SMAD6: variants seen among roughly 807,000 people sequenced by gnomAD.
The protein encoded by SMAD6 is SMAD family member 6.
A neutral mutation model predicts 39.4 loss-of-function variants in SMAD6; 103 were observed. The ratio of observed to expected loss-of-function variants is 2.62; its 90% CI spans 2.23 to 3.08. The LOEUF (loss-of-function observed/expected upper bound fraction) is 3.08, where lower values mean the gene tolerates loss of function less well. Among genes scored for constraint, SMAD6 ranks in the 30% most tolerant of loss-of-function variants. SMAD6 has a pLI of 0.00. For missense variants in SMAD6, 1,104 were observed against 742.9 expected (o/e 1.49, Z -5.65); for synonymous variants, 445 against 353.3 (o/e 1.26, Z -2.91).
chr15:66,741,371 G>A (rs1893812592), intron 3 of SMAD6, among the ~76,000 whole-genome samples: 1 of 152,176 alleles, frequency 6.6e-6, no homozygotes, highest in African/African-American at 2.4e-5. Context: ...ATTGCCGAGG[G>A]GCTTCGCCTC....
chr15:66,719,592 A>G (rs1159312645), intron 3 of SMAD6, among the ~76,000 whole-genome samples: 1 of 152,172 alleles, frequency 6.6e-6, no homozygotes, highest in Non-Finnish European at 1.5e-5. Context: ...GTCTCGCACA[A>G]TGACAATCCC....
At chr15:66,745,948 A>G (rs758850965) in intron 3 of SMAD6, among the ~76,000 whole-genome samples, 25 of 152,088 alleles carry the variant, frequency 1.6e-4, no homozygotes, top group Admixed American at 2.6e-4. Flanking sequence ...CCCACTTCCC[A>G]CAGCCAGTTC....
chr15:66,735,112 G>A (rs1241422604), intron 3 of SMAD6, among the ~76,000 whole-genome samples: 2 of 152,356 alleles, frequency 1.3e-5, no homozygotes, highest in East Asian at 1.9e-4. Flanking sequence ...CCCTGGCAGC[G>A]TCATGATGAG....
intron 3 of SMAD6, among the ~76,000 whole-genome samples, chr15:66,722,848 C>G (rs971343255): frequency 6.6e-6 from 1 of 152,142 alleles, no homozygotes; most frequent in African/African-American, 2.4e-5. Context: ...CCCAGCCAAC[C>G]TGTGTCTGCC....
At chr15:66,708,796 GGGATGGT>G in intron 1 of SMAD6, 1 of 461,778 alleles carries the variant, frequency 2.2e-6, no homozygotes, top group Non-Finnish European at 4.6e-6. Flanking sequence ...ACTGCCAATG[GGGATGGT>G]GTTTCTTTTT....
chr15:66,743,892 C>T (rs2140639569), intron 3 of SMAD6, among the ~76,000 whole-genome samples: 1 of 152,142 alleles, frequency 6.6e-6, no homozygotes, highest in Admixed American at 6.5e-5. Context: ...CTTAGTATTC[C>T]ATGCCATATT....
intron 1 of SMAD6, among the ~76,000 whole-genome samples, chr15:66,709,038 A>G (rs1453810982): frequency 6.6e-6 from 1 of 152,240 alleles, no homozygotes; most frequent in Non-Finnish European, 1.5e-5. Context: ...GTCCTTCAGC[A>G]AGTGGGACCT....
At chr15:66,721,848 G>T (rs1893438794) in intron 3 of SMAD6, among the ~76,000 whole-genome samples, 1 of 152,224 alleles carries the variant, frequency 6.6e-6, no homozygotes, top group Non-Finnish European at 1.5e-5. Flanking sequence ...TCCAGAGGAA[G>T]AAGGGATTAG....
intron 3 of SMAD6, among the ~76,000 whole-genome samples, chr15:66,756,744 AG>A (rs1203412764): frequency 1.3e-5 from 2 of 152,254 alleles, no homozygotes; most frequent in Non-Finnish European, 2.9e-5. Context: ...ACCAAAGCCC[AG>A]GGCTTAACTT....
chr15:66,760,790 C>T (rs572529577), intron 3 of SMAD6, among the ~76,000 whole-genome samples: 36 of 152,274 alleles, frequency 2.4e-4, no homozygotes, highest in African/African-American at 6.3e-4. Flanking sequence ...CCAGGCCTGG[C>T]GCTGGGACCA....
In SMAD6 at chr15:66,782,172, G is replaced by A. The variant is rs1894590324; in HGVS notation, c.*637G>A. On this transcript the variant is annotated 3_prime_UTR_variant, in exon 4 of 4. Transcript: ENST00000288840. The stretch of plus-strand genomic sequence containing the variant: ...TCTTAAGTAAACCAGAGAAAGTTCT[G>A]TTGTTCCTTCCTGCCCATGGCTATG... 1 of 358,746 alleles carries A rather than the reference G, an allele frequency of 2.8e-6. No individual in the cohort carries two copies. Among genetic ancestry groups the A allele is most frequent in the Non-Finnish European group, 4.9e-6 (1 of 204,002 alleles). The allele number at this position is 358,746 out of a possible 1,614,324, so 22.2% of individuals were successfully genotyped here.
At chr15:66,778,172 T>G (rs1453771313) in intron 3 of SMAD6, among the ~76,000 whole-genome samples, 1 of 151,756 alleles carries the variant, frequency 6.6e-6, no homozygotes, top group African/African-American at 2.4e-5. Flanking sequence ...AGCTTCAAAC[T>G]TGGGCTCAAG....
intron 3 of SMAD6, among the ~76,000 whole-genome samples, chr15:66,724,322 A>G (rs1215540203): frequency 2.0e-5 from 3 of 152,210 alleles, no homozygotes; most frequent in Non-Finnish European, 2.9e-5. Flanking sequence ...AAATGAATGA[A>G]TGAATTTTTG....
At chr15:66,726,348 C>T (rs778175055) in intron 3 of SMAD6, among the ~76,000 whole-genome samples, 1 of 152,152 alleles carries the variant, frequency 6.6e-6, no homozygotes, top group South Asian at 2.1e-4. Context: ...TAAAACAGGA[C>T]AGACTGCACA....
chr15:66,753,792 G>A (rs1894050960), intron 3 of SMAD6, among the ~76,000 whole-genome samples: 1 of 152,066 alleles, frequency 6.6e-6, no homozygotes, highest in African/African-American at 2.4e-5. Flanking sequence ...GGAGATTTAG[G>A]TCTGAGGGAA....
chr15:66,748,599 C>T (rs1311870824), intron 3 of SMAD6, among the ~76,000 whole-genome samples: 1 of 152,138 alleles, frequency 6.6e-6, no homozygotes, highest in Non-Finnish European at 1.5e-5. Context: ...AATTGAATTG[C>T]ATACTTTCAT....
In SMAD6 at chr15:66,782,027, G is replaced by T. The variant is rs1894588333; in HGVS notation, c.*492G>T. On this transcript the variant is annotated 3_prime_UTR_variant, in exon 4 of 4. Transcript: ENST00000288840. ...TGTCTTCTTTTTACAAAGAGGGGCA[G>T]GTAGGGCTTCAGCGGATTTCTGACC... The T allele has an allele frequency of 2.5e-6, 1 of 398,522 alleles. No homozygotes were observed. Among genetic ancestry groups the T allele is most frequent in the South Asian group, 1.3e-4 (1 of 7,748 alleles). 24.7% of individuals were successfully genotyped at this position (398,522 alleles called of 1,614,324 possible).
At chr15:66,720,774 G>T (rs1367018419) in intron 3 of SMAD6, among the ~76,000 whole-genome samples, 1 of 152,232 alleles carries the variant, frequency 6.6e-6, no homozygotes, top group African/African-American at 2.4e-5. Flanking sequence ...CACTGGGCAG[G>T]GCCCTCAGGG....
At chr15:66,726,834 T>C (rs1893529473) in intron 3 of SMAD6, among the ~76,000 whole-genome samples, 1 of 151,994 alleles carries the variant, frequency 6.6e-6, no homozygotes, top group African/African-American at 2.4e-5. Flanking sequence ...TTAGACCCCA[T>C]TCCAAAAATG....
Sources: gnomAD v4.1 joint callset for allele counts (sites outside exome capture counted in the v4.1 genomes callset) on GRCh38, gnomAD v4.1.1 for gene constraint, MANE v1.5 for transcripts, NCBI Gene and HGNC (gene_info 2026-07-23, HGNC 2026-07-21) for gene names.